C12orf76: variants seen among roughly 807,000 people sequenced by gnomAD.
C12orf76 encodes the protein chromosome 12 open reading frame 76.
In C12orf76, 6 loss-of-function variants were observed where a neutral mutation model predicts 6.8. The ratio of observed to expected loss-of-function variants is 0.88; its 90% CI spans 0.48 to 1.73. The LOEUF (loss-of-function observed/expected upper bound fraction) is 1.73. C12orf76 is among the 40% of genes most tolerant of loss of function. C12orf76 has a pLI of 0.01. For synonymous variants in C12orf76, 56 were observed against 43.7 expected, an observed-to-expected ratio of 1.28 and a Z score of -1.11; for missense variants, 99 against 98.2, an observed-to-expected ratio of 1.01 and a Z score of -0.03.
upstream of C12orf76, among the ~76,000 whole-genome samples, chr12:110,054,071 T>C (rs571851538): frequency 8.2e-4 from 124 of 151,978 alleles, no homozygotes; most frequent in Middle Eastern, 6.8e-3. The surrounding 1 kb of genome is among the most constrained non-coding windows in gnomAD (Gnocchi z 4.4). Flanking sequence ...CAAGACCCTG[T>C]CTCAAAAAAA....
Position 110,042,200 on chromosome 12 carries a change from T to A in C12orf76, c.*174A>T, listed in dbSNP as rs566742489. 1.9e-4 allele frequency: 117 copies of A among 603,778 alleles called. No individual in the cohort carries two copies. In the East Asian group the frequency reaches 3.2e-3, roughly 17 times the overall value. The allele number at this position is 603,778 out of a possible 1,614,324, so 37.4% of individuals were successfully genotyped here. ...GGGCCAATTATTTGCGCTACAGTGT[T>A]AGGAAAAAATAATGTCTAGTACATG... On this transcript the variant is annotated 3_prime_UTR_variant, in exon 2 of 2. Transcript: ENST00000615315.
At chr12:110,060,943 G>C (rs1344166014) in intron 2 of C12orf76, among the ~76,000 whole-genome samples, 2 of 152,062 alleles carry the variant, frequency 1.3e-5, no homozygotes, top group Non-Finnish European at 2.9e-5. Flanking sequence ...GCTGAGACAG[G>C]AGAATCACTT....
At chr12:110,064,833 C>T (rs2137237311) in intron 2 of C12orf76, among the ~76,000 whole-genome samples, 1 of 152,258 alleles carries the variant, frequency 6.6e-6, no homozygotes, top group South Asian at 2.1e-4. Flanking sequence ...TGAGAGGCTC[C>T]AGTGCAGGGT....
At chr12:110,068,313 G>GAAGAAA (rs1892913454), upstream of C12orf76, among the ~76,000 whole-genome samples, 14 of 145,878 alleles carry the variant, frequency 9.6e-5, no homozygotes, top group African/African-American at 3.2e-4. Context: ...AGAAGAAGAA[G>GAAGAAA]AAGAAGAAGA....
At chr12:110,045,279 T>C (rs1164166823) in intron 1 of C12orf76, among the ~76,000 whole-genome samples, 4 of 152,212 alleles carry the variant, frequency 2.6e-5, no homozygotes, top group Non-Finnish European at 5.9e-5. Context: ...TCTCGCATTT[T>C]GGAAGAACTC....
chr12:110,047,923 C>T (rs1376683636), intron 1 of C12orf76, among the ~76,000 whole-genome samples: 3 of 152,134 alleles, frequency 2.0e-5, no homozygotes, highest in Admixed American at 2.0e-4. Flanking sequence ...CAGAATGAGA[C>T]CCAGGTCTCC....
intron 2 of C12orf76, among the ~76,000 whole-genome samples, chr12:110,060,362 T>C (rs2137232923): frequency 6.6e-6 from 1 of 152,336 alleles, no homozygotes; most frequent in East Asian, 1.9e-4. Context: ...CACTCCAGTC[T>C]GGCTCCCACC....
upstream of C12orf76, chr12:110,067,803 A>C (rs983584603): frequency 1.3e-5 from 2 of 152,432 alleles, no homozygotes; most frequent in Non-Finnish European, 2.9e-5. Flanking sequence ...CACCCAACCA[A>C]TCAGAGTCTT....
intron 4 of C12orf76, among the ~76,000 whole-genome samples, chr12:110,055,351 C>T (rs1892649990): frequency 6.6e-6 from 1 of 151,876 alleles, no homozygotes; most frequent in Non-Finnish European, 1.5e-5. Context: ...GTATTACAGG[C>T]ATGCGCCGCC....
At chr12:110,058,901 A>T in intron 3 of C12orf76, 1 of 1,392,336 alleles carries the variant, frequency 7.2e-7, no homozygotes, top group East Asian at 2.5e-5. Flanking sequence ...TATTTTGCTG[A>T]CATATATTAA....
At chr12:110,065,826 T>C (rs776521841) in intron 2 of C12orf76, 1 of 1,614,186 alleles carries the variant, frequency 6.2e-7, no homozygotes, top group Non-Finnish European at 8.5e-7. Context: ...TCCCCTGTCC[T>C]GCCCCCTGGT....
At chr12:110,067,589 T>C (rs573035679) in exon 1 of C12orf76, 196 of 985,426 alleles carry the variant, frequency 2.0e-4, no homozygotes, top group Non-Finnish European at 2.3e-4. Flanking sequence ...TGCTCCGTCA[T>C]CTTCTCGAAC....
upstream of C12orf76, among the ~76,000 whole-genome samples, chr12:110,068,309 AGAAGAAGAAGAAGAAGAAGAAGGC>A (rs1490599712): frequency 1.5e-3 from 227 of 146,948 alleles, 4 homozygotes; most frequent in Admixed American, 3.1e-3. Context: ...AAGAAGAAGA[AGAAGAAGAAGAAGAAGAAGAAGGC>A]GGCCAAATAG....
intron 2 of C12orf76, among the ~76,000 whole-genome samples, chr12:110,061,945 C>T (rs1892778735): frequency 6.6e-6 from 1 of 152,080 alleles, no homozygotes; most frequent in Non-Finnish European, 1.5e-5. Flanking sequence ...CTTAACCTTT[C>T]TGAGTCATTG....
At chr12:110,069,035 G>A (rs1566080531), upstream of C12orf76, among the ~76,000 whole-genome samples, 1 of 152,116 alleles carries the variant, frequency 6.6e-6, no homozygotes, top group African/African-American at 2.4e-5. Context: ...TAACAAAGAG[G>A]AAAAAAGCAA....
At chr12:110,067,558 G>A in exon 1 of C12orf76, 8 of 985,482 alleles carry the variant, frequency 8.1e-6, no homozygotes, top group Non-Finnish European at 9.6e-6. Flanking sequence ...TCCACTGGAT[G>A]TGGTTCAGTA....
intron 2 of C12orf76, among the ~76,000 whole-genome samples, chr12:110,063,589 G>A (rs1180013616): frequency 6.8e-6 from 1 of 147,586 alleles, no homozygotes; most frequent in African/African-American, 2.5e-5. Context: ...CACGCCTGGT[G>A]AGGGATTTTT....
chr12:110,056,912 C>T (rs1892677620), intron 4 of C12orf76: 1 of 363,874 alleles, frequency 2.7e-6, no homozygotes, highest in African/African-American at 2.1e-5. Context: ...GTCCATTAAA[C>T]CTCTTTTCTT....
In C12orf76 at chr12:110,048,448, G is replaced by A; in HGVS notation, c.48C>T (p.Leu16=). 2 of 1,505,280 alleles carry A rather than the reference G, an allele frequency of 1.3e-6. No homozygotes were observed. The highest frequency in any genetic ancestry group is 1.8e-6 in the Non-Finnish European group (2 of 1,132,078). 93.2% of individuals were successfully genotyped at this position (1,505,280 alleles called of 1,614,324 possible). ...LPWLYLGLCS[L]LVGEAEAPSP... is the part of the protein sequence containing the mutation. ...TCGGGGCCTCTGCCTCCCCCACCAG[G>A]AGGCTGCAGAGGCCAAGGTACAGCC... The change falls in exon 1 of 2, where the codon CTC becomes CTT. Residue 16 remains leucine (L), a synonymous_variant. Transcript: ENST00000615315.
Sources: gnomAD v4.1 joint callset for allele counts (sites outside exome capture counted in the v4.1 genomes callset) on GRCh38, gnomAD v4.1.1 for gene constraint, Gnocchi (gnomAD v3.1) non-coding constraint, MANE v1.5 for transcripts, NCBI Gene and HGNC (gene_info 2026-07-23, HGNC 2026-07-21) for gene names.